LHFPL3: variants seen among roughly 807,000 people sequenced by gnomAD.
LHFPL3 encodes LHFPL tetraspan subfamily member 3 protein.
LHFPL3 carries 5 observed loss-of-function variants against 19.3 expected under a neutral mutation model. The ratio of observed to expected loss-of-function variants is 0.26; its 90% confidence interval spans 0.14 to 0.54. LHFPL3 has a LOEUF of 0.54. Ranked by LOEUF, LHFPL3 falls within the 20% of genes least tolerant of loss-of-function variation. LHFPL3 has a pLI of 0.94. For synonymous variants in LHFPL3, 133 were observed against 126.2 expected (o/e 1.05, Z -0.36); for missense variants, 249 against 307.4 (o/e 0.81, Z 1.42).
rs139584986 is a variant in LHFPL3, at chr7:104,701,570, C to T, written c.446-35105C>T. ...GTCTTTATGTTTGTTGTCTTCACAC[C>T]GAGTAGGCTGAAGAGGACAAGGAAA... On this transcript the variant is annotated intron_variant, in intron 1 of 2. Coordinates refer to ENST00000424859, the MANE Select transcript of LHFPL3 (RefSeq NM_199000.3). Among the ~76,000 whole-genome samples, 18 of 152,104 alleles carry T rather than the reference C, an allele frequency of 1.2e-4. No individual in the cohort carries two copies. The East Asian group carries it at 1.7e-3, about 15-fold the overall frequency.
intron 1 of LHFPL3, among the ~76,000 whole-genome samples, chr7:104,520,219 C>A (rs1263685062): frequency 6.6e-6 from 1 of 152,016 alleles, no homozygotes; most frequent in Non-Finnish European, 1.5e-5. Context: ...TGGTTTTTGT[C>A]TTTGCTTCTG....
intron 2 of LHFPL3, among the ~76,000 whole-genome samples, chr7:104,759,515 C>T (rs1423001237): frequency 6.6e-6 from 1 of 152,006 alleles, no homozygotes; most frequent in African/African-American, 2.4e-5. Context: ...GTCTTTTACA[C>T]TTGCAGTTTA....
intron 1 of LHFPL3, among the ~76,000 whole-genome samples, chr7:104,593,425 C>A (rs201566658): frequency 6.6e-6 from 1 of 152,104 alleles, no homozygotes; most frequent in Admixed American, 6.5e-5. Context: ...AATTTCTGTT[C>A]TTTTACATTT....
chr7:104,639,473 CTTCT>C (rs1697594110), intron 1 of LHFPL3, among the ~76,000 whole-genome samples: 1 of 152,002 alleles, frequency 6.6e-6, no homozygotes, highest in African/African-American at 2.4e-5. Context: ...TCCCTCTTTT[CTTCT>C]TTATTAGTTT....
chr7:104,480,327 C>T (rs904463850), intron 1 of LHFPL3, among the ~76,000 whole-genome samples: 1 of 146,588 alleles, frequency 6.8e-6, no homozygotes, highest in Non-Finnish European at 1.5e-5. Flanking sequence ...ATAAATGACA[C>T]CCCCCGTCCC....
At chr7:104,440,035 T>TGGGCG (rs139318074) in intron 1 of LHFPL3, among the ~76,000 whole-genome samples, 18,458 of 84,164 alleles carry the variant, frequency 0.22, 1,916 homozygotes, top group Admixed American at 0.35. Context: ...ATACAAAGCC[T>TGGGCG]GGGGGGGGGG....
intron 1 of LHFPL3, among the ~76,000 whole-genome samples, chr7:104,659,799 G>A (rs995880320): frequency 1.3e-5 from 2 of 152,132 alleles, no homozygotes; most frequent in African/African-American, 4.8e-5. Context: ...GTAGAAGGTT[G>A]TCTTGCTTTA....
intron 1 of LHFPL3, among the ~76,000 whole-genome samples, chr7:104,695,821 A>T (rs1324103316): frequency 6.6e-6 from 1 of 152,224 alleles, no homozygotes; most frequent in African/African-American, 2.4e-5. Flanking sequence ...AAAATGTCAG[A>T]TACCAAAGCA....
intron 2 of LHFPL3, among the ~76,000 whole-genome samples, chr7:104,740,935 A>T (rs1021917256): frequency 3.3e-5 from 5 of 152,218 alleles, no homozygotes; most frequent in African/African-American, 1.2e-4. Context: ...TACACAAAAA[A>T]TCACTGTTAC....
chr7:104,813,989 TG>T (rs1790521279), intron 2 of LHFPL3, among the ~76,000 whole-genome samples: 1 of 152,150 alleles, frequency 6.6e-6, no homozygotes, highest in African/African-American at 2.4e-5. Flanking sequence ...CACCATTCAG[TG>T]GGTCCCAAGT....
intron 1 of LHFPL3, among the ~76,000 whole-genome samples, chr7:104,624,933 G>C (rs1028919293): frequency 6.6e-6 from 1 of 152,192 alleles, no homozygotes; most frequent in African/African-American, 2.4e-5. Context: ...TGAGGCATGT[G>C]GCTGTTAATC....
At chr7:104,434,897 T>C (rs1005519) in intron 1 of LHFPL3, among the ~76,000 whole-genome samples, 171 of 152,290 alleles carry the variant, frequency 1.1e-3, no homozygotes, top group African/African-American at 3.9e-3. Flanking sequence ...CATGTAGATA[T>C]TAACAATATA....
At chr7:104,440,296 A>G (rs909502392) in intron 1 of LHFPL3, among the ~76,000 whole-genome samples, 4 of 152,152 alleles carry the variant, frequency 2.6e-5, no homozygotes, top group Non-Finnish European at 5.9e-5. Flanking sequence ...CATCATTCTC[A>G]GCAAACTATC....
At chr7:104,562,273 A>T (rs1480427425) in intron 1 of LHFPL3, among the ~76,000 whole-genome samples, 1 of 151,654 alleles carries the variant, frequency 6.6e-6, no homozygotes, top group Admixed American at 6.6e-5. Flanking sequence ...TATCCTGCAG[A>T]GTGTTTTCCA....
chr7:104,894,317 T>A (rs372580657), intron 2 of LHFPL3, among the ~76,000 whole-genome samples: 4 of 152,198 alleles, frequency 2.6e-5, no homozygotes, highest in African/African-American at 9.6e-5. Flanking sequence ...GGCTAACAAG[T>A]AGTGCTCAGT....
intron 1 of LHFPL3, among the ~76,000 whole-genome samples, chr7:104,723,987 C>T (rs1409808486): frequency 6.6e-6 from 1 of 152,138 alleles, no homozygotes; most frequent in Non-Finnish European, 1.5e-5. Context: ...GATGGTGCTA[C>T]ATCTTAAAGG....
intron 1 of LHFPL3, among the ~76,000 whole-genome samples, chr7:104,463,986 C>T (rs2115583646): frequency 6.6e-6 from 1 of 152,286 alleles, no homozygotes; most frequent in African/African-American, 2.4e-5. Flanking sequence ...TCACCTGAGA[C>T]AAGGCAAGTC....
chr7:104,645,817 C>T lies in LHFPL3; in HGVS notation c.446-90858C>T, dbSNP rs531979678. Among the ~76,000 whole-genome samples, 35 of 151,986 alleles carry T rather than the reference C, an allele frequency of 2.3e-4. 1 individual carries two copies. In the South Asian group the frequency reaches 7.3e-3, roughly 32 times the overall value. On this transcript the variant is annotated intron_variant, in intron 1 of 2. Transcript: ENST00000424859. ...CTGGGACTACAGGCGCCCGCCACCA[C>T]ACCTGGCTAATTTTTTGTATTTTTA...
intron 1 of LHFPL3, among the ~76,000 whole-genome samples, chr7:104,704,308 C>G (rs113840602): frequency 6.6e-6 from 1 of 152,144 alleles, no homozygotes; most frequent in African/African-American, 2.4e-5. Flanking sequence ...TTTTTCTAGA[C>G]TGCTTCAAAA....
Sources: gnomAD v4.1 joint callset for allele counts (sites outside exome capture counted in the v4.1 genomes callset) on GRCh38, gnomAD v4.1.1 for gene constraint, MANE v1.5 for transcripts, NCBI Gene and HGNC (gene_info 2026-07-23, HGNC 2026-07-21) for gene names.